Variants in CNKSR2 observed in about 807,000 individuals in gnomAD.
The protein encoded by CNKSR2 is connector enhancer of kinase suppressor of Ras 2.
CNKSR2 carries 14 observed loss-of-function variants against 84.4 expected under a neutral mutation model. That is an observed-to-expected ratio of 0.17 (90% CI 0.11 to 0.26). CNKSR2 has a LOEUF of 0.26. Among genes scored for constraint, CNKSR2 ranks in the 10% least tolerant of loss-of-function variants. The pLI is 1.00. For synonymous variants in CNKSR2, 275 were observed against 277.9 expected, an observed-to-expected ratio of 0.99 and a Z score of 0.10; for missense variants, 485 against 771.2, an observed-to-expected ratio of 0.63 and a Z score of 4.40.
intron 4 of CNKSR2, among the ~76,000 whole-genome samples, chrX:21,460,168 GCT>G (rs1487210639): frequency 8.9e-6 from 1 of 111,859 alleles, no homozygotes; most frequent in Non-Finnish European, 1.9e-5. Flanking sequence ...TCAAGATCTG[GCT>G]CTGTTTCCAT....
intron 5 of CNKSR2, among the ~76,000 whole-genome samples, chrX:21,489,575 C>A (rs2091422098): frequency 8.9e-6 from 1 of 111,874 alleles, no homozygotes; most frequent in South Asian, 3.7e-4. Context: ...ATTCTACTTT[C>A]TTCATGATTT....
intron 4 of CNKSR2, among the ~76,000 whole-genome samples, chrX:21,461,582 G>T (rs777410306): frequency 8.9e-6 from 1 of 112,200 alleles, no homozygotes; most frequent in African/African-American, 3.2e-5. Context: ...GCATGTGATT[G>T]TGGGGTAATA....
chrX:21,566,908 C>A (rs1433899781), intron 13 of CNKSR2, among the ~76,000 whole-genome samples: 2 of 111,645 alleles, frequency 1.8e-5, no homozygotes, highest in South Asian at 3.8e-4. Flanking sequence ...TTATAAAATA[C>A]ATTTTTATTA....
intron 9 of CNKSR2, among the ~76,000 whole-genome samples, chrX:21,522,191 A>T (rs897394463): frequency 9.0e-6 from 1 of 110,952 alleles, no homozygotes; most frequent in Non-Finnish European, 1.9e-5. Flanking sequence ...GTAAGGACTT[A>T]TGTGAATGTT....
In CNKSR2 at chrX:21,608,740, T is replaced by G. The variant is rs145393209; in HGVS notation, c.2146-331T>G. ...ACAATACTTCTTCAGGATCTGAAAA[T>G]GTATAGTTTTTAAAGTGAAATTTTT... On this transcript the variant is annotated intron_variant, in intron 19 of 21. Transcript: ENST00000379510. 2.5e-3 allele frequency among the ~76,000 whole-genome samples: 282 copies of G among 112,035 alleles called. 4 individuals are homozygous for G. Among genetic ancestry groups the G allele is most frequent in the African/African-American group, 8.6e-3 (264 of 30,857 alleles).
intron 4 of CNKSR2, among the ~76,000 whole-genome samples, chrX:21,444,533 A>G (rs1382505950): frequency 9.0e-6 from 1 of 110,627 alleles, no homozygotes; most frequent in Non-Finnish European, 1.9e-5. Flanking sequence ...ACCATTTTTT[A>G]GATTATTGTT....
intron 11 of CNKSR2, among the ~76,000 whole-genome samples, chrX:21,557,728 T>C (rs1395014858): frequency 9.0e-6 from 1 of 111,397 alleles, no homozygotes; most frequent in African/African-American, 3.2e-5. Flanking sequence ...GTTTTCTAGA[T>C]TATATTCTTT....
At chrX:21,390,879 CA>C (rs1427399080) in intron 1 of CNKSR2, among the ~76,000 whole-genome samples, 1 of 112,247 alleles carries the variant, frequency 8.9e-6, no homozygotes, top group Non-Finnish European at 1.9e-5. Context: ...CTCCAAGATA[CA>C]ATGGGGTTAC....
intron 1 of CNKSR2, among the ~76,000 whole-genome samples, chrX:21,409,969 T>C (rs2090319965): frequency 9.0e-6 from 1 of 110,858 alleles, no homozygotes; most frequent in African/African-American, 3.3e-5. Flanking sequence ...TATTTTCTAA[T>C]TGGGGCTGGC....
intron 4 of CNKSR2, among the ~76,000 whole-genome samples, chrX:21,444,462 C>G: frequency 9.0e-6 from 1 of 111,215 alleles, no homozygotes. Context: ...ACAGTATAAA[C>G]TTGGACAAAT....
intron 1 of CNKSR2, chrX:21,423,810 T>C (rs2090529761): frequency 8.9e-6 from 1 of 111,810 alleles, no homozygotes; most frequent in African/African-American, 3.3e-5. Context: ...ACTTTAGTCC[T>C]TGGTAGTTTT....
At chrX:21,474,835 C>T (rs963963369) in intron 5 of CNKSR2, among the ~76,000 whole-genome samples, 1 of 111,797 alleles carries the variant, frequency 8.9e-6, no homozygotes, top group East Asian at 2.8e-4. Flanking sequence ...GTAGACATAA[C>T]ATAACTTTTG....
intron 11 of CNKSR2, among the ~76,000 whole-genome samples, chrX:21,556,611 A>G (rs2092142202): frequency 9.0e-6 from 1 of 110,924 alleles, no homozygotes; most frequent in African/African-American, 3.3e-5. Flanking sequence ...TGCTACAGAT[A>G]CATCAGAAAA....
intron 13 of CNKSR2, among the ~76,000 whole-genome samples, chrX:21,577,967 A>G (rs1248372981): frequency 9.0e-6 from 1 of 111,429 alleles, no homozygotes; most frequent in Non-Finnish European, 1.9e-5. Flanking sequence ...TTTTTTAAAG[A>G]TAAATTTTCT....
chrX:21,435,212 G>A (rs1160868070), intron 3 of CNKSR2, among the ~76,000 whole-genome samples: 1 of 110,023 alleles, frequency 9.1e-6, no homozygotes, highest in Non-Finnish European at 1.9e-5. Context: ...TATAGAAAAT[G>A]TTTATTTCAC....
chrX:21,641,689 G>A, intron 20 of CNKSR2: 1 of 1,098,946 alleles, frequency 9.1e-7, no homozygotes, highest in African/African-American at 1.8e-5. Flanking sequence ...TCAACCTCTT[G>A]CAAGCAACTA....
intron 8 of CNKSR2, among the ~76,000 whole-genome samples, chrX:21,510,228 G>A (rs1484712720): frequency 5.4e-5 from 6 of 111,422 alleles, no homozygotes; most frequent in Non-Finnish European, 1.1e-4. Flanking sequence ...TGTAAATGTT[G>A]ATAATGAATC....
intron 8 of CNKSR2, among the ~76,000 whole-genome samples, chrX:21,511,726 T>C (rs1475010089): frequency 1.8e-5 from 2 of 111,658 alleles, no homozygotes; most frequent in Non-Finnish European, 3.8e-5. Context: ...TTATCAACTT[T>C]CTAAAAGCCT....
intron 4 of CNKSR2, among the ~76,000 whole-genome samples, chrX:21,461,490 C>A (rs181961119): frequency 9.0e-6 from 1 of 111,192 alleles, no homozygotes; most frequent in Admixed American, 9.5e-5. Context: ...TGGCTTGTCT[C>A]TTCACTTTGT....
Sources: gnomAD v4.1 joint callset for allele counts (sites outside exome capture counted in the v4.1 genomes callset) on GRCh38, gnomAD v4.1.1 for gene constraint, MANE v1.5 for transcripts, NCBI Gene and HGNC (gene_info 2026-07-23, HGNC 2026-07-21) for gene names.